FREM2: variants seen among roughly 807,000 people sequenced by gnomAD.
The protein encoded by FREM2 is FRAS1 related extracellular matrix 2.
FREM2 carries 119 observed loss-of-function variants against 219.9 expected under a neutral mutation model. That is an observed-to-expected ratio of 0.54 (90% confidence interval 0.47 to 0.63). The LOEUF is 0.63. Ranked by LOEUF, FREM2 falls within the 30% of genes least tolerant of loss-of-function variation. The pLI is 0.00. For missense variants in FREM2, 4,030 were observed against 3,993.6 expected, an observed-to-expected ratio of 1.01 and a Z score of -0.25; for synonymous variants, 1,562 against 1,522.8, an observed-to-expected ratio of 1.03 and a Z score of -0.60.
Position 38,880,742 on chromosome 13 carries a change from C to A in FREM2, c.9465C>A (p.Pro3155=), listed in dbSNP as rs1878517443. ...DAPKGSSSSE[P]MVPPQSHHND... is the part of the protein sequence containing the mutation. ...CGAAAGGCTCCAGCAGCAGTGAGCC[C>A]ATGGTGCCCCCACAGAGCCATCACA... The change falls in exon 24 of 24, where the codon CCC becomes CCA. Residue 3155 remains proline, a synonymous_variant. Coordinates refer to ENST00000280481, the MANE Select transcript of FREM2 (RefSeq NM_207361.6). 2 of 1,614,130 alleles carry A rather than the reference C, an allele frequency of 1.2e-6. No individual in the cohort carries two copies. The highest frequency in any genetic ancestry group is 3.3e-4 in the Middle Eastern group (2 of 6,060).
chr13:38,734,468 G>T (rs1230205460), intron 2 of FREM2, among the ~76,000 whole-genome samples: 1 of 152,000 alleles, frequency 6.6e-6, no homozygotes, highest in Non-Finnish European at 1.5e-5. Context: ...ATTATTACTT[G>T]TACATATTGT....
intron 1 of FREM2, among the ~76,000 whole-genome samples, chr13:38,697,312 A>G (rs1248903564): frequency 6.6e-6 from 1 of 152,202 alleles, no homozygotes; most frequent in Non-Finnish European, 1.5e-5. Flanking sequence ...ACTGGGAGGC[A>G]AAGGATGTGA....
intron 2 of FREM2, among the ~76,000 whole-genome samples, chr13:38,704,039 T>G (rs1870442073): frequency 1.3e-5 from 2 of 152,206 alleles, no homozygotes; most frequent in South Asian, 4.1e-4. Flanking sequence ...GAAGTTATTT[T>G]CAAAGGAGAA....
At chr13:38,736,089 T>A (rs576567870) in intron 2 of FREM2, among the ~76,000 whole-genome samples, 3 of 152,310 alleles carry the variant, frequency 2.0e-5, no homozygotes, top group African/African-American at 7.2e-5. Context: ...CTAGACCTAG[T>A]AGCACAGTAC....
rs1555270912 is a variant in FREM2 at position 38,837,775 on chromosome 13, G to GTTTTTTTTTTTTTTTTTTTTTT, written c.6020-8794_6020-8793insTTTTTTTTTTTTTTTTTTTTTT. Among the ~76,000 whole-genome samples, 95 of 128,840 alleles carry GTTTTTTTTTTTTTTTTTTTTTT rather than the reference G, an allele frequency of 7.4e-4. 6 individuals carry two copies. The highest frequency in any genetic ancestry group is 1.4e-3 in the Admixed American group (16 of 11,590). 84.5% of individuals were successfully genotyped at this position (128,840 alleles called of 152,430 possible). A position where few individuals can be genotyped will look rare whatever the true frequency, so the allele number is the denominator to read the frequency against. On this transcript the variant is annotated intron_variant, in intron 6 of 23. Transcript: ENST00000280481. ...GGATTGCAACCCCTGGTTTTTTTTT[G>GTTTTTTTTTTTTTTTTTTTTTT]TTTTGTTTTGTTTTGTTTTTGCTTT...
chr13:38,810,973 G>A (rs942004739), intron 6 of FREM2, among the ~76,000 whole-genome samples: 1 of 151,868 alleles, frequency 6.6e-6, no homozygotes, highest in Non-Finnish European at 1.5e-5. Flanking sequence ...TTTTATTATG[G>A]CTTTAATCTT....
Position 38,687,315 on chromosome 13 carries a change from C to G in FREM2, c.-30C>G. 1.3e-6 allele frequency: 2 copies of G among 1,576,584 alleles called. No homozygotes were observed. ...GGGACCGACTTCGCATGCTCTCAGG[C>G]TGACCTGTCCAAGCCCGAACACCGG... On this transcript the variant is annotated 5_prime_UTR_variant, in exon 1 of 24. Coordinates refer to ENST00000280481, the MANE Select transcript of FREM2 (RefSeq NM_207361.6).
In FREM2 at chr13:38,847,038, A is replaced by G. The variant is rs61948017; in HGVS notation, c.6169+316A>G. ...TATTGCTGAATGTTGTAGCATTATA[A>G]GCAGGAAAATCATCTTACTGCACAT... On this transcript the variant is annotated intron_variant, in intron 7 of 23. Coordinates refer to ENST00000280481, the MANE Select transcript of FREM2 (RefSeq NM_207361.6). Among the ~76,000 whole-genome samples, 18,763 of 152,062 alleles carry G rather than the reference A, an allele frequency of 0.12. 1,397 individuals are homozygous for G. Among genetic ancestry groups the G allele is most frequent in the Admixed American group, 0.21 (3,184 of 15,248 alleles).
At chr13:38,818,693 T>C (rs1875869761) in intron 6 of FREM2, among the ~76,000 whole-genome samples, 1 of 152,104 alleles carries the variant, frequency 6.6e-6, no homozygotes, top group Admixed American at 6.6e-5. Context: ...CTGGACATGA[T>C]GGCTCATGCC....
At chr13:38,767,628 T>C (rs1873494083) in intron 3 of FREM2, among the ~76,000 whole-genome samples, 1 of 152,226 alleles carries the variant, frequency 6.6e-6, no homozygotes, top group Non-Finnish European at 1.5e-5. Flanking sequence ...GTGAGCAGCA[T>C]GTGTTCTGGA....
rs138825971 is a variant in FREM2 at position 38,768,211 on chromosome 13, A to G, written c.5411-1367A>G. Among the ~76,000 whole-genome samples, 1,267 of 152,274 alleles carry G rather than the reference A, an allele frequency of 8.3e-3. 12 individuals carry two copies. Among genetic ancestry groups the G allele is most frequent in the Non-Finnish European group, 0.011 (752 of 68,016 alleles). ...AACTAAATGCAAAATCTTCCAAATA[A>G]CTTATTTTCAAGATTTAAAAAATCT... On this transcript the variant is annotated intron_variant, in intron 3 of 23. Transcript: ENST00000280481.
chr13:38,720,922 G>A (rs892946915), intron 2 of FREM2, among the ~76,000 whole-genome samples: 3 of 152,134 alleles, frequency 2.0e-5, no homozygotes, highest in Admixed American at 2.0e-4. Flanking sequence ...TATTGTTCAG[G>A]ATATTATCAG....
At position 38,877,204 on chromosome 13, in the gene FREM2, A is replaced by G; in HGVS notation, c.8632A>G (p.Met2878Val). Residue 2878 changes from methionine to valine, a missense_variant, in exon 21 of 24, where the codon ATG becomes GTG. Around this residue, in one of 2 missense-constraint regions of FREM2, gnomAD observed 928 missense variants for 1,042.9 expected, o/e 0.89. Transcript: ENST00000280481. The stretch of plus-strand genomic sequence containing the variant: ...GAGTCTCTGGTTGTCTGATGGATCC[A>G]TGGGATTCGGGCAAGAGAGTGATGT... ...KKSLWLSDGS[M>V]GFGQESDVAF... 2 of 1,614,090 alleles carry G rather than the reference A, an allele frequency of 1.2e-6. No homozygotes were observed. The highest frequency in any genetic ancestry group is 1.7e-6 in the Non-Finnish European group (2 of 1,179,950).
Position 38,796,002 on chromosome 13 carries a change from C to A in FREM2, c.6019+11194C>A, listed in dbSNP as rs963511694. On this transcript the variant is annotated intron_variant, in intron 6 of 23. Transcript: ENST00000280481. ...TTCTTTCTTTCTTTCTTTCTTTTTT[C>A]TTTCTTTCTTTCTTTTTTTGTCGAA... Among the ~76,000 whole-genome samples the A allele has an allele frequency of 2.7e-5, 4 of 147,310 alleles. No homozygotes were observed. The South Asian group carries it at 8.6e-4, about 32-fold the overall frequency.
chr13:38,689,442 C>G lies in FREM2; in HGVS notation c.2098C>G (p.Pro700Ala), dbSNP rs758662970. Residue 700 changes from proline to alanine, a missense_variant, in exon 1 of 24, where the codon CCT becomes GCT. By Grantham distance (27) the Pro-to-Ala change is conservative. Transcript: ENST00000280481. ...TCGTATCCATCCTGTGGATCGCCTCCCTCCGGAGCTGGGCAGTGGCTGTCC... is the reference window on the plus strand; with the variant it reads ...TCGTATCCATCCTGTGGATCGCCTCGCTCCGGAGCTGGGCAGTGGCTGTCC... ...VIRIHPVDRL[P>A]PELGSGCPLR... 4.3e-6 allele frequency: 7 copies of G among 1,614,032 alleles called. No individual in the cohort carries two copies. The highest frequency in any genetic ancestry group is 5.9e-6 in the Non-Finnish European group (7 of 1,180,006).
At chr13:38,737,237 A>G (rs1232565414) in intron 2 of FREM2, among the ~76,000 whole-genome samples, 1 of 152,176 alleles carries the variant, frequency 6.6e-6, no homozygotes, top group Non-Finnish European at 1.5e-5. Context: ...GAATTGAATA[A>G]ATCAATTAAT....
chr13:38,784,796 G>A lies in FREM2; in HGVS notation c.6007G>A (p.Asp2003Asn). Residue 2003 changes from aspartate to asparagine, a missense_variant, in exon 6 of 24, where the codon GAC becomes AAC. By Grantham distance (23) the Asp-to-Asn change is conservative. Transcript: ENST00000280481. ...AGGGGCTCAAGTTACAATCGTTCCTGACAAAGATGATGGTGAGTACTAATT... is the reference window on the plus strand; with the variant it reads ...AGGGGCTCAAGTTACAATCGTTCCTAACAAAGATGATGGTGAGTACTAATT... ...FPGAQVTIVP[D>N]KDDEPIFYFG... is the part of the protein sequence containing the mutation. 1 of 1,614,118 alleles carries A rather than the reference G, an allele frequency of 6.2e-7. No homozygotes were observed. The highest frequency in any genetic ancestry group is 8.5e-7 in the Non-Finnish European group (1 of 1,180,014).
chr13:38,701,614 C>T (rs985474844), intron 2 of FREM2, among the ~76,000 whole-genome samples: 1 of 152,034 alleles, frequency 6.6e-6, no homozygotes, highest in African/African-American at 2.4e-5. Flanking sequence ...GGTATTCTAA[C>T]ATGAAAGTGC....
intron 23 of FREM2, 93 bp from the exon 24 acceptor site, chr13:38,880,191 A>G: frequency 1.6e-6 from 2 of 1,274,750 alleles, no homozygotes; most frequent in South Asian, 2.4e-5. Flanking sequence ...ATCATTTATT[A>G]ATATCTCTGC....
Sources: gnomAD v4.1 joint callset for allele counts (sites outside exome capture counted in the v4.1 genomes callset) on GRCh38, gnomAD v4.1.1 for gene constraint, gnomAD v4.1.1 regional missense constraint, MANE v1.5 for transcripts, NCBI Gene and HGNC (gene_info 2026-07-23, HGNC 2026-07-21) for gene names.